The following FRMD4A variants were observed in gnomAD, a reference collection of about 807,000 sequenced individuals.
The protein encoded by FRMD4A is FERM domain containing 4A, also known as FERM domain-containing protein 4A.
FRMD4A carries 29 observed loss-of-function variants against 129.1 expected under a neutral mutation model. The observed-to-expected ratio is 0.22, with a 90% confidence interval of 0.17 to 0.31. The LOEUF (loss-of-function observed/expected upper bound fraction) is 0.31, where lower values mean the gene tolerates loss of function less well. FRMD4A is among the 10% of genes least tolerant of loss of function. The probability of loss-of-function intolerance (pLI) is 1.00; values close to 1 mark genes in which losing one functional copy is unlikely to be tolerated. For synonymous variants in FRMD4A, 634 were observed against 571.6 expected, an observed-to-expected ratio of 1.11 and a Z score of -1.56; for missense variants, 1,272 against 1,375.8, an observed-to-expected ratio of 0.92 and a Z score of 1.19.
intron 2 of FRMD4A, among the ~76,000 whole-genome samples, chr10:14,122,007 T>TTAG (rs1838551831): frequency 6.6e-6 from 1 of 152,210 alleles, no homozygotes. Flanking sequence ...TCTACTAGCA[T>TTAG]TAGCTAGTGC....
chr10:13,885,863 C>G (rs563334851), intron 2 of FRMD4A, among the ~76,000 whole-genome samples: 1 of 152,210 alleles, frequency 6.6e-6, no homozygotes, highest in Non-Finnish European at 1.5e-5. Context: ...CCCCATTGTG[C>G]TCCATCAGTG....
At chr10:14,134,027 T>C (rs1020511471) in intron 2 of FRMD4A, among the ~76,000 whole-genome samples, 1 of 152,206 alleles carries the variant, frequency 6.6e-6, no homozygotes, top group Admixed American at 6.5e-5. Context: ...CCAGGCTGGG[T>C]TCTCCTCTTT....
At chr10:14,054,150 G>T (rs1834396666) in intron 2 of FRMD4A, among the ~76,000 whole-genome samples, 1 of 152,128 alleles carries the variant, frequency 6.6e-6, no homozygotes, top group Non-Finnish European at 1.5e-5. Context: ...CCATGACAGA[G>T]TGAGACTCTG....
At chr10:14,182,837 G>A (rs1841957241) in intron 2 of FRMD4A, among the ~76,000 whole-genome samples, 1 of 152,230 alleles carries the variant, frequency 6.6e-6, no homozygotes, top group South Asian at 2.1e-4. Context: ...TCTACTGAGT[G>A]AGAACTAGCA....
chr10:14,022,218 T>A (rs12572568), intron 2 of FRMD4A, among the ~76,000 whole-genome samples: 27,535 of 152,054 alleles, frequency 0.18, 3,109 homozygotes, highest in East Asian at 0.44. Flanking sequence ...GCGACAGAAA[T>A]CCACGTGTCT....
rs115946659 is a variant in FRMD4A, at chr10:13,706,836, C to T, written c.836+201G>A. On this transcript the variant is annotated intron_variant, in intron 13 of 24. Transcript: ENST00000357447. ...GTCAGGGGATTGCTACTTACACACA[C>T]GTGCGAACCCACTGCATTTATCAAC... Among the ~76,000 whole-genome samples the T allele has an allele frequency of 1.0e-2, 1,514 of 151,822 alleles. 24 individuals carry two copies. The highest frequency in any genetic ancestry group is 0.035 in the African/African-American group (1,434 of 41,392).
intron 24 of FRMD4A, chr10:13,647,823 T>C (rs973341845): frequency 2.0e-5 from 3 of 151,584 alleles, no homozygotes; most frequent in Non-Finnish European, 2.9e-5. Context: ...ATCATAGATA[T>C]GTGGAAGCCA....
chr10:14,094,736 G>A (rs1381100203), intron 2 of FRMD4A, among the ~76,000 whole-genome samples: 2 of 152,228 alleles, frequency 1.3e-5, no homozygotes, highest in African/African-American at 2.4e-5. Context: ...CTTTGCAAGA[G>A]CTGGAGAAGT....
intron 2 of FRMD4A, among the ~76,000 whole-genome samples, chr10:14,254,000 C>A (rs1844525869): frequency 6.6e-6 from 1 of 152,182 alleles, no homozygotes; most frequent in Non-Finnish European, 1.5e-5. Flanking sequence ...TTCTCACTAA[C>A]CTCTCATGAC....
chr10:14,108,493 A>T (rs1439273882), intron 2 of FRMD4A, among the ~76,000 whole-genome samples: 1 of 152,200 alleles, frequency 6.6e-6, no homozygotes, highest in Non-Finnish European at 1.5e-5. Flanking sequence ...AATGGGTCTG[A>T]ATTGGAATGT....
Position 13,772,936 on chromosome 10 carries a change from T to C in FRMD4A, c.384+9986A>G, listed in dbSNP as rs1477379750. Among the ~76,000 whole-genome samples, 9 of 152,310 alleles carry C rather than the reference T, an allele frequency of 5.9e-5. No individual in the cohort carries two copies. In the South Asian group the frequency reaches 1.9e-3, roughly 32 times the overall value. On this transcript the variant is annotated intron_variant, in intron 6 of 24. Coordinates refer to ENST00000357447, the MANE Select transcript of FRMD4A (RefSeq NM_018027.5). ...ATAATGATTGAATTGTACATTTTAA[T>C]GTAAGTAAAAGAGTAGAAGTGGATT... is the stretch of plus-strand genomic sequence containing the variant.
intron 2 of FRMD4A, among the ~76,000 whole-genome samples, chr10:14,132,869 G>A (rs1208513248): frequency 6.6e-6 from 1 of 152,126 alleles, no homozygotes; most frequent in Non-Finnish European, 1.5e-5. Flanking sequence ...TATGCCCCAG[G>A]GTGATCTACT....
At chr10:14,009,805 T>G (rs949769456) in intron 2 of FRMD4A, among the ~76,000 whole-genome samples, 4 of 86,656 alleles carry the variant, frequency 4.6e-5, no homozygotes, top group Non-Finnish European at 1.4e-4. Flanking sequence ...AGTGAGAGGG[T>G]GAGAGAGACG....
chr10:14,262,145 G>A (rs913831715), intron 2 of FRMD4A, among the ~76,000 whole-genome samples: 2 of 152,108 alleles, frequency 1.3e-5, no homozygotes, highest in East Asian at 1.9e-4. Context: ...ACCCATCTTC[G>A]AGCGGCAAAA....
chr10:13,854,586 A>ATTTTTTTTTTTTTTTTTT (rs34618985), intron 3 of FRMD4A, among the ~76,000 whole-genome samples: 1 of 130,530 alleles, frequency 7.7e-6, no homozygotes, highest in Non-Finnish European at 1.6e-5. Context: ...ACACCGAGCT[A>ATTTTTTTTTTTTTTTTTT]TTTTTTTTTT....
intron 5 of FRMD4A, among the ~76,000 whole-genome samples, chr10:13,790,454 G>A (rs2092973304): frequency 6.6e-6 from 1 of 152,188 alleles, no homozygotes; most frequent in South Asian, 2.1e-4. Flanking sequence ...GGTGCAGGGA[G>A]AGAAGACAAG....
intron 2 of FRMD4A, among the ~76,000 whole-genome samples, chr10:14,162,682 A>C (rs868531145): frequency 3.7e-5 from 5 of 136,350 alleles, no homozygotes; most frequent in Non-Finnish European, 6.1e-5. Context: ...TGCCATTTGA[A>C]GTATTGCATC....
At chr10:14,178,837 G>A (rs1240946982) in intron 2 of FRMD4A, among the ~76,000 whole-genome samples, 1 of 151,988 alleles carries the variant, frequency 6.6e-6, no homozygotes, top group Non-Finnish European at 1.5e-5. Context: ...TATTAATTAA[G>A]TTTACACCAC....
intron 2 of FRMD4A, among the ~76,000 whole-genome samples, chr10:14,098,105 ATATAATT>A (rs1200900973): frequency 6.9e-6 from 1 of 144,910 alleles, no homozygotes; most frequent in Non-Finnish European, 1.5e-5. Flanking sequence ...TATAGATTAT[ATATAATT>A]TATATATATT....
Sources: allele counts gnomAD v4.1 joint callset (sites outside exome capture counted in the v4.1 genomes callset), GRCh38; gene constraint gnomAD v4.1.1; transcripts MANE v1.5; gene names NCBI Gene and HGNC (gene_info 2026-07-23, HGNC 2026-07-21).